Variants in PPM1B observed in about 807,000 individuals in gnomAD.
The protein encoded by PPM1B is protein phosphatase, Mg2+/Mn2+ dependent 1B.
Under a neutral mutation model 43.0 loss-of-function variants are expected in PPM1B, and 22 were observed. The ratio of observed to expected loss-of-function variants is 0.51; its 90% CI spans 0.37 to 0.73. The LOEUF (loss-of-function observed/expected upper bound fraction) is 0.73, where lower values mean the gene tolerates loss of function less well. Ranked by LOEUF, PPM1B falls within the 30% of genes least tolerant of loss-of-function variation. PPM1B has a pLI of 0.00. For missense variants in PPM1B, 632 were observed against 584.2 expected (o/e 1.08, Z -0.84); for synonymous variants, 217 against 197.9 (o/e 1.10, Z -0.81).
intron 3 of PPM1B, among the ~76,000 whole-genome samples, chr2:44,217,297 G>T (rs1265697125): frequency 6.6e-6 from 1 of 151,772 alleles, no homozygotes; most frequent in Non-Finnish European, 1.5e-5. Context: ...TACTCGGGAG[G>T]CTGAGGCAGG....
Position 44,179,811 on chromosome 2 carries a change from C to G in PPM1B, c.-15+10537C>G, listed in dbSNP as rs1258314406. On this transcript the variant is annotated intron_variant, in intron 1 of 5. Coordinates refer to ENST00000282412, the MANE Select transcript of PPM1B (RefSeq NM_002706.6). ...ATCACCTGAGGTCAGAAGTTCAAGA[C>G]CAGCCTGGTCAACATGGTGAAACTC... 2.0e-5 allele frequency among the ~76,000 whole-genome samples: 3 copies of G among 151,962 alleles called. No individual in the cohort carries two copies. The East Asian group carries it at 5.8e-4, about 29-fold the overall frequency.
chr2:44,175,729 CTGAAAAG>C (rs1392708520), intron 1 of PPM1B, among the ~76,000 whole-genome samples: 2 of 151,056 alleles, frequency 1.3e-5, no homozygotes, highest in Admixed American at 6.6e-5. Flanking sequence ...AAAAACTAGA[CTGAAAAG>C]AGGAAAGAGG....
chr2:44,174,813 T>A lies in PPM1B; in HGVS notation c.-15+5539T>A, dbSNP rs533675491. ...AAGGGCTGGTTACTGGATGTTCTTA[T>A]GAGTAGGAGAATCTAGAAGTGTCAG... On this transcript the variant is annotated intron_variant, in intron 1 of 5. Transcript: ENST00000282412. 2.6e-5 allele frequency among the ~76,000 whole-genome samples: 4 copies of A among 152,222 alleles called. No homozygotes were observed. In the East Asian group the frequency reaches 7.7e-4, roughly 29 times the overall value.
intron 1 of PPM1B, among the ~76,000 whole-genome samples, chr2:44,175,785 ATT>A (rs1341851363): frequency 8.7e-5 from 12 of 138,260 alleles, no homozygotes; most frequent in Non-Finnish European, 7.8e-5. Flanking sequence ...TTGGTTTGAG[ATT>A]TTTTTTTTTT....
chr2:44,246,539 A>C (rs998898654), downstream of PPM1B, among the ~76,000 whole-genome samples: 1 of 152,344 alleles, frequency 6.6e-6, no homozygotes, highest in Non-Finnish European at 1.5e-5. Flanking sequence ...AGTAGGATGC[A>C]AATTGACCAA....
chr2:44,218,114 A>C, intron 4 of PPM1B, 36 bp downstream of exon 4: 1 of 1,422,820 alleles, frequency 7.0e-7, no homozygotes, highest in Non-Finnish European at 9.9e-7. Flanking sequence ...GAGTTCGTTC[A>C]TAATTAGTAA....
At chr2:44,233,475 TGAA>T, downstream of PPM1B, 6 of 984,532 alleles carry the variant, frequency 6.1e-6, no homozygotes, top group South Asian at 2.8e-4. Flanking sequence ...ATGCTGAACA[TGAA>T]GAGTAAAGTA....
intron 1 of PPM1B, among the ~76,000 whole-genome samples, chr2:44,197,320 T>C (rs970324890): frequency 7.2e-5 from 11 of 152,218 alleles, no homozygotes; most frequent in African/African-American, 2.7e-4. Flanking sequence ...AGTCTCATTA[T>C]GTTGTCCAGG....
chr2:44,173,657 T>C (rs906819650), intron 1 of PPM1B, among the ~76,000 whole-genome samples: 1 of 152,192 alleles, frequency 6.6e-6, no homozygotes, highest in Admixed American at 6.5e-5. Context: ...ATAATACTCT[T>C]CATGGCCGGG....
intron 1 of PPM1B, among the ~76,000 whole-genome samples, chr2:44,187,860 C>T (rs1668199280): frequency 6.6e-6 from 1 of 152,126 alleles, no homozygotes; most frequent in South Asian, 2.1e-4. Flanking sequence ...CGCCATTCTC[C>T]TGCCTCATCC....
intron 5 of PPM1B, among the ~76,000 whole-genome samples, chr2:44,223,596 T>C (rs1670071945): frequency 6.6e-6 from 1 of 151,368 alleles, no homozygotes; most frequent in Non-Finnish European, 1.5e-5. Flanking sequence ...GATCACGAGG[T>C]CAGGAGATCA....
At position 44,203,809 on chromosome 2, in the gene PPM1B, A is replaced by G. The variant is rs573977662; in HGVS notation, c.846+1764A>G. ...TAGCCAAAAAATCTATTAGGTCTGT[A>G]ATTTGGACTAAGGAAAGAAGTTTGT... On this transcript the variant is annotated intron_variant, in intron 2 of 5. Coordinates refer to ENST00000282412, the MANE Select transcript of PPM1B (RefSeq NM_002706.6). Among the ~76,000 whole-genome samples the G allele has an allele frequency of 2.3e-4, 35 of 152,288 alleles. 1 individual carries two copies. The South Asian group carries it at 6.8e-3, about 30-fold the overall frequency.
chr2:44,200,226 A>G (rs1668870211), intron 1 of PPM1B, among the ~76,000 whole-genome samples: 1 of 152,222 alleles, frequency 6.6e-6, no homozygotes, highest in Non-Finnish European at 1.5e-5. Flanking sequence ...TGACTAAGAA[A>G]TTTGCCCAAG....
chr2:44,236,594 TGAC>T (rs1358271472), downstream of PPM1B, among the ~76,000 whole-genome samples: 1 of 152,046 alleles, frequency 6.6e-6, no homozygotes, highest in East Asian at 1.9e-4. Context: ...AGCCAGGAAT[TGAC>T]AGCCTCATTA....
intron 5 of PPM1B, among the ~76,000 whole-genome samples, chr2:44,228,111 A>T (rs984629330): frequency 6.7e-6 from 1 of 148,684 alleles, no homozygotes; most frequent in African/African-American, 2.5e-5. Context: ...TTTAGTAGAG[A>T]TAGGGTTTCA....
At chr2:44,193,484 C>T (rs1016981399) in intron 1 of PPM1B, among the ~76,000 whole-genome samples, 1 of 151,912 alleles carries the variant, frequency 6.6e-6, no homozygotes, top group Non-Finnish European at 1.5e-5. Flanking sequence ...GTCTTGAACT[C>T]CTGGGCTAAG....
At chr2:44,192,246 T>A (rs971314187) in intron 1 of PPM1B, among the ~76,000 whole-genome samples, 2 of 132,544 alleles carry the variant, frequency 1.5e-5, no homozygotes, top group Non-Finnish European at 3.2e-5. Flanking sequence ...GAGATGGAGT[T>A]TCGCTCTGTC....
At chr2:44,209,500 G>T (rs944135108) in intron 3 of PPM1B, 173 bp downstream of exon 3, 2 of 775,678 alleles carry the variant, frequency 2.6e-6, no homozygotes, top group African/African-American at 3.5e-5. Context: ...AAAATTTCCT[G>T]GTCAGGCGCA....
intron 1 of PPM1B, among the ~76,000 whole-genome samples, chr2:44,174,254 C>A (rs1040110420): frequency 6.6e-6 from 1 of 152,170 alleles, no homozygotes; most frequent in African/African-American, 2.4e-5. Flanking sequence ...CATAACACTT[C>A]TTGGAAAATT....
Sources: allele counts gnomAD v4.1 joint callset (sites outside exome capture counted in the v4.1 genomes callset), GRCh38; gene constraint gnomAD v4.1.1; transcripts MANE v1.5; gene names NCBI Gene and HGNC (gene_info 2026-07-23, HGNC 2026-07-21).